AGR3: variants seen among roughly 807,000 people sequenced by gnomAD.
AGR3 encodes anterior gradient 3, protein disulphide isomerase family member, also known as anterior gradient protein 3.
A neutral mutation model predicts 24.5 loss-of-function variants in AGR3; 37 were observed. The observed-to-expected ratio is 1.51, with a 90% CI of 1.16 to 1.99. The LOEUF is 1.99. Ranked by LOEUF, AGR3 falls within the 30% of genes most tolerant of loss-of-function variation. The pLI, the probability that AGR3 is intolerant of heterozygous loss-of-function variation, is 0.00. For synonymous variants in AGR3, 75 were observed against 61.6 expected (o/e 1.22, Z -1.02); for missense variants, 228 against 191.1 (o/e 1.19, Z -1.14).
chr7:16,876,784 G>A (rs1781993022), intron 2 of AGR3, among the ~76,000 whole-genome samples: 3 of 152,130 alleles, frequency 2.0e-5, no homozygotes, highest in South Asian at 4.1e-4. Flanking sequence ...GCATACAAAT[G>A]TAATATATTT....
chr7:16,867,572 T>G (rs1311927257), intron 3 of AGR3, among the ~76,000 whole-genome samples: 2 of 152,228 alleles, frequency 1.3e-5, no homozygotes. Context: ...TGTTATTAAC[T>G]ATTATTCCCA....
chr7:16,860,099 G>GA (rs11374842), intron 7 of AGR3, among the ~76,000 whole-genome samples: 103,384 of 149,858 alleles, frequency 0.69, 35,559 homozygotes, highest in East Asian at 0.74. Flanking sequence ...CTACAAAAAA[G>GA]AAAAAAAAAG....
At chr7:16,870,382 C>A (rs939138799) in intron 3 of AGR3, among the ~76,000 whole-genome samples, 2 of 148,730 alleles carry the variant, frequency 1.3e-5, no homozygotes, top group African/African-American at 5.1e-5. Flanking sequence ...ACATTTTCTA[C>A]TTTTTCCTTC....
intron 1 of AGR3, among the ~76,000 whole-genome samples, chr7:16,880,134 C>CCTTCCTTCCTTCCTTCCTCTT (rs1315730339): frequency 7.7e-6 from 1 of 129,832 alleles, no homozygotes; most frequent in Non-Finnish European, 1.7e-5. Context: ...CTTCCTCTTT[C>CCTTCCTTCCTTCCTTCCTCTT]TCTCTCTCTT....
chr7:16,871,221 A>G (rs1781857692), intron 3 of AGR3, among the ~76,000 whole-genome samples: 1 of 152,210 alleles, frequency 6.6e-6, no homozygotes, highest in South Asian at 2.1e-4. Flanking sequence ...TGCCTAATAA[A>G]TAATACTGCT....
At chr7:16,877,680 G>A (rs943209261) in intron 2 of AGR3, among the ~76,000 whole-genome samples, 7 of 151,814 alleles carry the variant, frequency 4.6e-5, no homozygotes, top group Non-Finnish European at 1.0e-4. Context: ...TGGCTAACAC[G>A]GTGAAACCCC....
At chr7:16,861,786 A>AG (rs1416601572) in intron 5 of AGR3, among the ~76,000 whole-genome samples, 198 bp downstream of exon 5, 1 of 152,018 alleles carries the variant, frequency 6.6e-6, no homozygotes, top group South Asian at 2.1e-4. Context: ...CTGTAGTCCC[A>AG]GCTACTTGGG....
At position 16,867,080 on chromosome 7, in the gene AGR3, C is replaced by T. The variant is rs1458424487; in HGVS notation, c.174-4418G>A. Among the ~76,000 whole-genome samples the T allele has an allele frequency of 2.0e-5, 3 of 152,130 alleles. No homozygotes were observed. The East Asian group carries it at 5.8e-4, about 29-fold the overall frequency. ...TGTACCCCAGGTATCTTTCTTGCCT[C>T]ACTATAATCTTGGCTCTCCCCTATT... On this transcript the variant is annotated intron_variant, in intron 3 of 7. Coordinates refer to ENST00000310398, the MANE Select transcript of AGR3 (RefSeq NM_176813.5).
chr7:16,872,721 C>A (rs913897094), intron 3 of AGR3, among the ~76,000 whole-genome samples: 4 of 152,108 alleles, frequency 2.6e-5, no homozygotes, highest in African/African-American at 9.7e-5. Flanking sequence ...GGGCCTATAT[C>A]TAGAATATAC....
At chr7:16,874,059 C>G (rs779182836) in intron 2 of AGR3, among the ~76,000 whole-genome samples, 1 of 152,158 alleles carries the variant, frequency 6.6e-6, no homozygotes, top group Non-Finnish European at 1.5e-5. Context: ...TTTCAAACCT[C>G]GAGGCCCATG....
downstream of AGR3, among the ~76,000 whole-genome samples, chr7:16,855,255 C>A (rs1252789775): frequency 6.6e-6 from 1 of 152,148 alleles, no homozygotes; most frequent in Non-Finnish European, 1.5e-5. Context: ...ATAGGAAATA[C>A]CTCCATTCTG....
At chr7:16,855,798 A>T (rs374052140), downstream of AGR3, among the ~76,000 whole-genome samples, 18 of 152,310 alleles carry the variant, frequency 1.2e-4, no homozygotes, top group African/African-American at 4.3e-4. Context: ...TATGAAATCA[A>T]TGGGTTTAAA....
chr7:16,870,870 C>G (rs1262369081), intron 3 of AGR3, among the ~76,000 whole-genome samples: 2 of 152,114 alleles, frequency 1.3e-5, no homozygotes, highest in Non-Finnish European at 2.9e-5. Flanking sequence ...TAATGCTTGT[C>G]CAATATTGAA....
At chr7:16,875,518 T>C (rs565745780) in intron 2 of AGR3, among the ~76,000 whole-genome samples, 1 of 152,342 alleles carries the variant, frequency 6.6e-6, no homozygotes, top group East Asian at 1.9e-4. Context: ...CAGTTAATGA[T>C]ATTTGGGTTG....
intron 1 of AGR3, among the ~76,000 whole-genome samples, chr7:16,879,967 C>T (rs1163843815): frequency 6.6e-6 from 1 of 151,888 alleles, no homozygotes; most frequent in Admixed American, 6.6e-5. Context: ...TCTATTGCAG[C>T]CCCTCTATGG....
intron 3 of AGR3, among the ~76,000 whole-genome samples, chr7:16,871,789 C>G (rs1035024957): frequency 1.3e-5 from 2 of 152,102 alleles, no homozygotes; most frequent in South Asian, 2.1e-4. Flanking sequence ...TTGCAGCGAG[C>G]TGAGATCGCG....
At chr7:16,878,482 T>G in intron 2 of AGR3, 28 bp downstream of exon 2, 1 of 1,585,498 alleles carries the variant, frequency 6.3e-7, no homozygotes, top group East Asian at 2.2e-5. Flanking sequence ...AATGACTGAG[T>G]TTAGAAAATA....
In AGR3 at chr7:16,862,670, A is replaced by G; in HGVS notation, c.174-8T>C. 6.5e-7 allele frequency: 1 copy of G among 1,541,348 alleles called. No individual in the cohort carries two copies. Among genetic ancestry groups the G allele is most frequent in the Non-Finnish European group, 8.7e-7 (1 of 1,148,914 alleles). On this transcript the variant is annotated splice_region_variant and splice_polypyrimidine_tract_variant and intron_variant, in intron 3 of 7. Transcript: ENST00000310398. ...ACCATTAATGGCTTCTTACTAAACA[A>G]AGAAAGTATGGAATTAAGTCAAATG...
chr7:16,869,916 A>T (rs1407950270), intron 3 of AGR3, among the ~76,000 whole-genome samples: 1 of 151,794 alleles, frequency 6.6e-6, no homozygotes, highest in African/African-American at 2.4e-5. Context: ...AACTATCCTA[A>T]CTACTCATGT....
Sources: gnomAD v4.1 joint callset for allele counts (sites outside exome capture counted in the v4.1 genomes callset) on GRCh38, gnomAD v4.1.1 for gene constraint, MANE v1.5 for transcripts, NCBI Gene and HGNC (gene_info 2026-07-23, HGNC 2026-07-21) for gene names.